CTIF: variants seen among roughly 807,000 people sequenced by gnomAD.
The protein encoded by CTIF is CBP80/20-dependent translation initiation factor.
CTIF carries 21 observed loss-of-function variants against 66.0 expected under a neutral mutation model. The observed-to-expected ratio is 0.32, with a 90% CI of 0.23 to 0.46. CTIF has a LOEUF of 0.46. CTIF is among the 20% of genes least tolerant of loss of function. The pLI is 1.00. For synonymous variants in CTIF, 345 were observed against 326.4 expected (o/e 1.06, Z -0.62); for missense variants, 739 against 812.7 (o/e 0.91, Z 1.10).
intron 3 of CTIF, among the ~76,000 whole-genome samples, chr18:48,647,591 T>C (rs1484649426): frequency 6.6e-6 from 1 of 152,222 alleles, no homozygotes; most frequent in African/African-American, 2.4e-5. Flanking sequence ...AAATAAAAAG[T>C]GTAATTTGTA....
intron 3 of CTIF, among the ~76,000 whole-genome samples, chr18:48,643,497 TG>T (rs2090970732): frequency 1.3e-5 from 2 of 152,138 alleles, no homozygotes; most frequent in Admixed American, 6.5e-5. Context: ...CTCTCTGGAA[TG>T]GGGGTGTCAT....
chr18:48,592,651 G>A (rs888174809), intron 1 of CTIF, among the ~76,000 whole-genome samples: 2 of 152,196 alleles, frequency 1.3e-5, no homozygotes, highest in Non-Finnish European at 2.9e-5. Flanking sequence ...TAACCAGCGC[G>A]AGCCTGCCTC....
At chr18:48,732,418 G>T (rs984551381) in intron 7 of CTIF, among the ~76,000 whole-genome samples, 4 of 151,948 alleles carry the variant, frequency 2.6e-5, no homozygotes, top group Non-Finnish European at 4.4e-5. Flanking sequence ...ACACCCAGGA[G>T]ACAGCTCTTA....
intron 9 of CTIF, among the ~76,000 whole-genome samples, chr18:48,774,945 T>C (rs1910527965): frequency 6.7e-6 from 1 of 148,586 alleles, no homozygotes; most frequent in African/African-American, 2.5e-5. Context: ...TAGGCAACCG[T>C]CATTGCATTA....
intron 9 of CTIF, among the ~76,000 whole-genome samples, chr18:48,778,645 G>T (rs753812444): frequency 6.6e-6 from 1 of 152,222 alleles, no homozygotes; most frequent in African/African-American, 2.4e-5. Flanking sequence ...ATCAACCACC[G>T]TGGGACTGTG....
At chr18:48,606,866 C>G (rs1392464952) in intron 1 of CTIF, among the ~76,000 whole-genome samples, 1 of 152,094 alleles carries the variant, frequency 6.6e-6, no homozygotes, top group Non-Finnish European at 1.5e-5. Context: ...AAAATAATGC[C>G]TACATTATAG....
chr18:48,598,310 C>T (rs943440081), intron 1 of CTIF, among the ~76,000 whole-genome samples: 2 of 152,204 alleles, frequency 1.3e-5, no homozygotes, highest in South Asian at 2.1e-4. Context: ...AACTTCTGCT[C>T]ATTCATATTT....
chr18:48,545,194 G>C (rs370709199), intron 1 of CTIF, among the ~76,000 whole-genome samples: 13 of 152,328 alleles, frequency 8.5e-5, no homozygotes, highest in East Asian at 7.7e-4. Flanking sequence ...CAAGCAGTGA[G>C]GTCAAATGCA....
intron 1 of CTIF, among the ~76,000 whole-genome samples, chr18:48,595,363 G>A (rs2089970207): frequency 6.6e-6 from 1 of 152,162 alleles, no homozygotes; most frequent in Admixed American, 6.5e-5. Context: ...CTATTGCTGT[G>A]TAATAAATTA....
chr18:48,545,317 G>A (rs894717749), intron 1 of CTIF, among the ~76,000 whole-genome samples: 2 of 152,210 alleles, frequency 1.3e-5, no homozygotes, highest in African/African-American at 4.8e-5. Flanking sequence ...TCAGAGAGGT[G>A]TACAGCCTTG....
At chr18:48,651,252 C>T (rs1468834065) in intron 3 of CTIF, among the ~76,000 whole-genome samples, 1 of 152,166 alleles carries the variant, frequency 6.6e-6, no homozygotes, top group Non-Finnish European at 1.5e-5. Context: ...GGAGACCCAT[C>T]TCACGTGCAG....
At chr18:48,695,215 G>C (rs115285253) in intron 6 of CTIF, among the ~76,000 whole-genome samples, 1 of 152,236 alleles carries the variant, frequency 6.6e-6, no homozygotes, top group African/African-American at 2.4e-5. Flanking sequence ...ATTGTTTACA[G>C]AGCGAGTGCC....
intron 6 of CTIF, among the ~76,000 whole-genome samples, chr18:48,698,723 A>G (rs1461416001): frequency 6.6e-6 from 1 of 152,124 alleles, no homozygotes; most frequent in African/African-American, 2.4e-5. Flanking sequence ...TCCCTTTCTT[A>G]GGGAGGACTC....
At chr18:48,616,072 C>G (rs1043986331) in intron 1 of CTIF, among the ~76,000 whole-genome samples, 1 of 152,202 alleles carries the variant, frequency 6.6e-6, no homozygotes, top group East Asian at 1.9e-4. Context: ...CCCGCAGAGC[C>G]GGCCAGAGGC....
chr18:48,840,596 C>T (rs2068916979), intron 10 of CTIF, among the ~76,000 whole-genome samples: 1 of 152,218 alleles, frequency 6.6e-6, no homozygotes, highest in African/African-American at 2.4e-5. Context: ...CCTACTGACA[C>T]CCTGGGCAGC....
chr18:48,575,471 T>C (rs2089509767), intron 1 of CTIF, among the ~76,000 whole-genome samples: 1 of 152,196 alleles, frequency 6.6e-6, no homozygotes, highest in Non-Finnish European at 1.5e-5. Context: ...TAATTTTCGA[T>C]TTTCTTTTGC....
At chr18:48,820,506 C>T (rs775508648) in intron 10 of CTIF, among the ~76,000 whole-genome samples, 53 of 152,114 alleles carry the variant, frequency 3.5e-4, no homozygotes, top group Non-Finnish European at 6.2e-4. Context: ...CAGAACCACC[C>T]GCAGGCCCAC....
At chr18:48,539,574 C>G (rs1192327030) in intron 1 of CTIF, 2 of 152,626 alleles carry the variant, frequency 1.3e-5, no homozygotes, top group Non-Finnish European at 2.9e-5. Flanking sequence ...CATTCCCTGC[C>G]GGGTTCCCCG....
chr18:48,585,300 AT>A (rs1398393839), intron 1 of CTIF, among the ~76,000 whole-genome samples: 2 of 152,254 alleles, frequency 1.3e-5, no homozygotes, highest in Non-Finnish European at 2.9e-5. Flanking sequence ...TGTAAAACTC[AT>A]TTGGATATTG....
Sources: allele counts gnomAD v4.1 joint callset (sites outside exome capture counted in the v4.1 genomes callset), GRCh38; gene constraint gnomAD v4.1.1; transcripts MANE v1.5; gene names NCBI Gene and HGNC (gene_info 2026-07-23, HGNC 2026-07-21).